RHEB: variants seen among roughly 807,000 people sequenced by gnomAD.
The protein encoded by RHEB is GTP-binding protein Rheb.
RHEB carries 2 observed loss-of-function variants against 28.8 expected under a neutral mutation model. That is an observed-to-expected ratio of 0.07 (90% CI 0.03 to 0.22). RHEB has a LOEUF of 0.22. Among genes scored for constraint, RHEB ranks in the 10% least tolerant of loss-of-function variants. The probability of loss-of-function intolerance (pLI) is 1.00; values close to 1 mark genes in which losing one functional copy is unlikely to be tolerated. For missense variants in RHEB, 76 were observed against 219.9 expected, an observed-to-expected ratio of 0.35 and a Z score of 4.14; for synonymous variants, 69 against 77.3, an observed-to-expected ratio of 0.89 and a Z score of 0.56.
intron 2 of RHEB, among the ~76,000 whole-genome samples, chr7:151,490,011 C>G (rs185925953): frequency 3.9e-4 from 59 of 152,276 alleles, no homozygotes; most frequent in Middle Eastern, 6.8e-3. Context: ...TCTACATGTT[C>G]CTGGTGACAA....
chr7:151,499,984 G>A (rs1464326487), intron 1 of RHEB, among the ~76,000 whole-genome samples: 1 of 152,044 alleles, frequency 6.6e-6, no homozygotes, highest in Non-Finnish European at 1.5e-5. Context: ...AGTTTTTTTT[G>A]TAGAGACAGG....
chr7:151,470,453 A>G (rs1802142198), intron 7 of RHEB, 118 bp downstream of exon 7: 2 of 610,354 alleles, frequency 3.3e-6, no homozygotes, highest in Non-Finnish European at 5.8e-6. Context: ...TTAGAAATGG[A>G]GGAAGGCCAG....
At chr7:151,486,832 G>A (rs1351748505) in intron 2 of RHEB, among the ~76,000 whole-genome samples, 1 of 152,184 alleles carries the variant, frequency 6.6e-6, no homozygotes, top group Non-Finnish European at 1.5e-5. Flanking sequence ...AGGATTTTCT[G>A]ATTGACTGGA....
intron 7 of RHEB, among the ~76,000 whole-genome samples, chr7:151,467,554 T>A (rs1584843717): frequency 1.3e-5 from 2 of 152,046 alleles, no homozygotes. Flanking sequence ...GGGTCCCTCT[T>A]CACTTCTGGC....
intron 1 of RHEB, among the ~76,000 whole-genome samples, chr7:151,511,055 A>G (rs985991376): frequency 2.1e-4 from 32 of 152,078 alleles, no homozygotes; most frequent in African/African-American, 7.0e-4. Flanking sequence ...TGCAGCCTGG[A>G]TGACACAGTG....
At chr7:151,500,851 G>T (rs1385138824) in intron 1 of RHEB, among the ~76,000 whole-genome samples, 6 of 152,142 alleles carry the variant, frequency 3.9e-5, no homozygotes, top group Non-Finnish European at 8.8e-5. Flanking sequence ...AGGTGTGGTG[G>T]TGTGCTCTTG....
Position 151,502,006 on chromosome 7 carries a change from C to T in RHEB, c.53-10992G>A, listed in dbSNP as rs145305493. 5.0e-3 allele frequency: 2,555 copies of T among 513,150 alleles called. 45 individuals are homozygous for T. Among genetic ancestry groups the T allele is most frequent in the African/African-American group, 0.043 (2,204 of 51,416 alleles). The allele number at this position is 513,150 out of a possible 1,614,324, so 31.8% of individuals were successfully genotyped here. A position where few individuals can be genotyped will look rare whatever the true frequency, so the allele number is the denominator to read the frequency against. On this transcript the variant is annotated intron_variant, in intron 1 of 7. Coordinates refer to ENST00000262187, the MANE Select transcript of RHEB (RefSeq NM_005614.4). Reference sequence around the variant, plus strand: ...TAATCCCAGCACTTTGAGGCCGAGGCGGGCAGATCACCTGAGGTCAGGAGT... The same window carrying T: ...TAATCCCAGCACTTTGAGGCCGAGGTGGGCAGATCACCTGAGGTCAGGAGT...
chr7:151,496,767 CTTTTGTTT>C (rs1440214089), intron 1 of RHEB, among the ~76,000 whole-genome samples: 1 of 151,824 alleles, frequency 6.6e-6, no homozygotes, highest in African/African-American at 2.4e-5. Flanking sequence ...ACCTCTATGA[CTTTTGTTT>C]TTTTGTTTTG....
intron 4 of RHEB, among the ~76,000 whole-genome samples, chr7:151,473,685 G>A (rs1480822544): frequency 6.6e-6 from 1 of 152,172 alleles, no homozygotes; most frequent in East Asian, 1.9e-4. Flanking sequence ...ATTTGAGAAT[G>A]CTGATTAAAC....
In RHEB at chr7:151,484,850, C is replaced by T. The variant is rs760544630; in HGVS notation, c.125-46G>A. 3.3e-5 allele frequency: 44 copies of T among 1,330,826 alleles called. No homozygotes were observed. The East Asian group carries it at 4.6e-4, about 14-fold the overall frequency. 82.4% of individuals were successfully genotyped at this position (1,330,826 alleles called of 1,614,324 possible). On this transcript the variant is annotated intron_variant, in intron 2 of 7. Coordinates refer to ENST00000262187, the MANE Select transcript of RHEB (RefSeq NM_005614.4). Reference sequence around the variant, plus strand: ...AAACATTAGTTTAAAAAAATTAACTCGAAACCACCTGAAGTTTGAACAATG... The same window carrying T: ...AAACATTAGTTTAAAAAAATTAACTTGAAACCACCTGAAGTTTGAACAATG...
At chr7:151,513,798 G>A (rs1437714312) in intron 1 of RHEB, among the ~76,000 whole-genome samples, 1 of 152,152 alleles carries the variant, frequency 6.6e-6, no homozygotes, top group Non-Finnish European at 1.5e-5. Flanking sequence ...ATGAATTCAG[G>A]AGCAGAGATG....
chr7:151,494,840 TG>T (rs1193262423), intron 1 of RHEB, among the ~76,000 whole-genome samples: 1 of 152,256 alleles, frequency 6.6e-6, no homozygotes, highest in Non-Finnish European at 1.5e-5. Context: ...GCTAACATGC[TG>T]TTTTTTGCCA....
intron 1 of RHEB, among the ~76,000 whole-genome samples, chr7:151,498,891 C>T (rs1379856604): frequency 1.3e-5 from 2 of 150,108 alleles, no homozygotes; most frequent in East Asian, 1.9e-4. Flanking sequence ...ACATTCCATT[C>T]CATTCTGAAT....
chr7:151,516,400 G>A (rs1373115029), intron 1 of RHEB, among the ~76,000 whole-genome samples: 1 of 152,034 alleles, frequency 6.6e-6, no homozygotes, highest in African/African-American at 2.4e-5. Context: ...CGAGGCAGGT[G>A]GATCACGAGG....
chr7:151,474,608 GA>G (rs1218616666), intron 4 of RHEB, among the ~76,000 whole-genome samples: 1 of 152,238 alleles, frequency 6.6e-6, no homozygotes, highest in East Asian at 1.9e-4. Flanking sequence ...TGTTAGTGGG[GA>G]TAAATGAAAA....
At chr7:151,500,217 C>T (rs1038622127) in intron 1 of RHEB, among the ~76,000 whole-genome samples, 1 of 152,128 alleles carries the variant, frequency 6.6e-6, no homozygotes, top group Non-Finnish European at 1.5e-5. Flanking sequence ...GAATGTGACT[C>T]TGAAAAATGG....
chr7:151,491,331 T>C (rs1278013161), intron 1 of RHEB, among the ~76,000 whole-genome samples: 2 of 152,262 alleles, frequency 1.3e-5, no homozygotes, highest in African/African-American at 2.4e-5. Flanking sequence ...TAATTTCCTC[T>C]AGTATTCTTG....
At chr7:151,517,175 C>A (rs1584871759) in intron 1 of RHEB, among the ~76,000 whole-genome samples, 1 of 152,186 alleles carries the variant, frequency 6.6e-6, no homozygotes, top group Non-Finnish European at 1.5e-5. Flanking sequence ...ACAAGCCTGA[C>A]GTTTGGCCAA....
At chr7:151,499,709 G>C (rs989913704) in intron 1 of RHEB, among the ~76,000 whole-genome samples, 4 of 152,210 alleles carry the variant, frequency 2.6e-5, no homozygotes, top group African/African-American at 9.6e-5. Context: ...GGAAGAGTTA[G>C]TATAAAATAC....
Sources: allele counts gnomAD v4.1 joint callset (sites outside exome capture counted in the v4.1 genomes callset), GRCh38; gene constraint gnomAD v4.1.1; transcripts MANE v1.5; gene names NCBI Gene and HGNC (gene_info 2026-07-23, HGNC 2026-07-21).